The following PHLDB3 variants were observed in gnomAD, a reference collection of about 807,000 sequenced individuals.
PHLDB3 encodes pleckstrin homology like domain family B member 3.
PHLDB3 carries 86 observed loss-of-function variants against 85.7 expected under a neutral mutation model. The ratio of observed to expected loss-of-function variants is 1.00; its 90% CI spans 0.84 to 1.20. The LOEUF (loss-of-function observed/expected upper bound fraction) is 1.20. Among genes scored for constraint, PHLDB3 ranks in the 50% most tolerant of loss-of-function variants. The pLI is 0.00. For synonymous variants in PHLDB3, 376 were observed against 349.8 expected (o/e 1.07, Z -0.83); for missense variants, 995 against 873.0 (o/e 1.14, Z -1.76).
At position 43,497,169 on chromosome 19, in the gene PHLDB3, C is replaced by G. The variant is rs766045542; in HGVS notation, c.774G>C (p.Gln258His). ...GTTCCTGGACCTTGGGGTCTGGCAC[C>G]TGGGGCCCAGGGCTGTCCCGATCCT... ...EEEDRDSPGP[Q>H]VPDPKVQELQ... The change falls in exon 6 of 16, where the codon CAG (glutamine) becomes CAC (histidine). Residue 258 changes from glutamine (Q) to histidine (H), a missense_variant. Transcript: ENST00000292140. 1 of 1,558,762 alleles carries G rather than the reference C, an allele frequency of 6.4e-7. No individual in the cohort carries two copies. The highest frequency in any genetic ancestry group is 2.4e-5 in the East Asian group (1 of 41,020).
chr19:43,502,075 GCT>G, intron 3 of PHLDB3, 24 bp downstream of exon 3: 1 of 1,550,558 alleles, frequency 6.4e-7, no homozygotes. Context: ...TTGGGGCCAG[GCT>G]TCCCAAGGGG....
chr19:43,486,361 C>T (rs1409529342), intron 12 of PHLDB3, 39 bp from the exon 13 acceptor site: 21 of 1,570,216 alleles, frequency 1.3e-5, no homozygotes, highest in Non-Finnish European at 1.7e-5. Flanking sequence ...AGGATCCCAG[C>T]CCATAAGATG....
In PHLDB3 at chr19:43,497,403, G is replaced by C. The variant is rs988704006; in HGVS notation, c.664-124C>G. ...CTGAGGACTTGGATTCCTGGGTCCT[G>C]GGGAGGAGGGGGCTAAGAATCAGAG... On this transcript the variant is annotated intron_variant, in intron 5 of 15. Transcript: ENST00000292140. The C allele has an allele frequency of 3.6e-6, 3 of 828,180 alleles. No homozygotes were observed. In the South Asian group the frequency reaches 6.5e-5, roughly 18 times the overall value. The allele number at this position is 828,180 out of a possible 1,614,324, so 51.3% of individuals were successfully genotyped here.
chr19:43,500,500 A>G (rs1201009176), intron 4 of PHLDB3, among the ~76,000 whole-genome samples: 14 of 152,196 alleles, frequency 9.2e-5, no homozygotes. Flanking sequence ...CACCAGAGAT[A>G]AAACAATGGG....
chr19:43,489,374 T>C (rs1212851662), intron 9 of PHLDB3, among the ~76,000 whole-genome samples: 3 of 150,938 alleles, frequency 2.0e-5, no homozygotes, highest in Non-Finnish European at 4.4e-5. Flanking sequence ...TTAAAGTTTT[T>C]TTTTTTTTTT....
chr19:43,491,819 G>GT (rs1311580187), intron 9 of PHLDB3, among the ~76,000 whole-genome samples: 2 of 151,248 alleles, frequency 1.3e-5, no homozygotes, highest in Non-Finnish European at 2.9e-5. Flanking sequence ...CTAATTTGTT[G>GT]TATTTTTAGT....
Position 43,501,719 on chromosome 19 carries a change from GT to G in PHLDB3, c.534+14del. The stretch of plus-strand genomic sequence containing the variant: ...GAAGGACACTGCTGATGAAGACCCG[GT>G]GAGCCAAACAGACCTGTTCCCGCTG... On this transcript the variant is annotated intron_variant, in intron 4 of 15. Transcript: ENST00000292140. 7 of 1,576,766 alleles carry G rather than the reference GT, an allele frequency of 4.4e-6. No individual in the cohort carries two copies. Among genetic ancestry groups the G allele is most frequent in the Non-Finnish European group, 6.0e-6 (7 of 1,168,420 alleles).
Position 43,475,307 on chromosome 19 carries a change from C to G in PHLDB3, c.*103G>C. Reference sequence around the variant, plus strand: ...CGGAATTCCCGGGAGAGTTCCAAAGCGGTGCGTCCAAGTTTTCCGGCAGTG... The same window carrying G: ...CGGAATTCCCGGGAGAGTTCCAAAGGGGTGCGTCCAAGTTTTCCGGCAGTG... On this transcript the variant is annotated 3_prime_UTR_variant, in exon 16 of 16. Transcript: ENST00000292140. 6.9e-7 allele frequency: 1 copy of G among 1,448,644 alleles called. No individual in the cohort carries two copies. Among genetic ancestry groups the G allele is most frequent in the Admixed American group, 2.2e-5 (1 of 45,036 alleles). The allele number at this position is 1,448,644 out of a possible 1,614,324, so 89.7% of individuals were successfully genotyped here.
At chr19:43,485,278 T>C (rs1971129441) in intron 13 of PHLDB3, among the ~76,000 whole-genome samples, 3 of 151,786 alleles carry the variant, frequency 2.0e-5, no homozygotes, top group Admixed American at 2.0e-4. Flanking sequence ...AGTGGTGTGA[T>C]CTTGGCTCAC....
chr19:43,493,691 G>A (rs1299994333), intron 9 of PHLDB3, among the ~76,000 whole-genome samples: 3 of 151,862 alleles, frequency 2.0e-5, no homozygotes, highest in Non-Finnish European at 4.4e-5. Flanking sequence ...ATAAATACTT[G>A]AGGTGATAGA....
chr19:43,496,818 A>G, intron 6 of PHLDB3: 1 of 403,400 alleles, frequency 2.5e-6, no homozygotes, highest in Non-Finnish European at 4.3e-6. Flanking sequence ...TTACTAAGGA[A>G]ACTTGGAAAA....
chr19:43,479,067 T>G (rs1403060296), intron 14 of PHLDB3, among the ~76,000 whole-genome samples: 3 of 152,032 alleles, frequency 2.0e-5, no homozygotes, highest in Non-Finnish European at 4.4e-5. Flanking sequence ...CTCATGGGTG[T>G]CTTAGGAACA....
chr19:43,479,020 T>C (rs891131973), intron 14 of PHLDB3, among the ~76,000 whole-genome samples: 24 of 151,998 alleles, frequency 1.6e-4, no homozygotes, highest in African/African-American at 4.8e-4. Context: ...CTCCTGGCCA[T>C]TGGGGGGCTG....
intron 13 of PHLDB3, 56 bp from the exon 14 acceptor site, chr19:43,479,649 G>A (rs887393140): frequency 1.5e-6 from 2 of 1,298,492 alleles, no homozygotes; most frequent in Non-Finnish European, 2.2e-6. Context: ...TCTACAGCCT[G>A]GAGCCCCTCG....
chr19:43,476,798 T>A (rs897811584), intron 15 of PHLDB3, among the ~76,000 whole-genome samples: 9 of 152,176 alleles, frequency 5.9e-5, no homozygotes, highest in African/African-American at 2.2e-4. Flanking sequence ...TTCTAAATAT[T>A]GTATCAGTTG....
chr19:43,475,417 G>A lies in PHLDB3; in HGVS notation c.1916C>T (p.Ala639Val). 6.2e-7 allele frequency: 1 copy of A among 1,613,932 alleles called. No homozygotes were observed. The highest frequency in any genetic ancestry group is 1.1e-5 in the South Asian group (1 of 91,084). ...VIVTAADENH[A>V]P The stretch of plus-strand genomic sequence containing the variant: ...CCAAGAGGGCGGGGCCACTCAGGGG[G>A]CGTGGTTTTCGTCAGCGGCGGTCAC... Residue 639 changes from alanine to valine, a missense_variant, in exon 16 of 16, where the codon GCC becomes GTC. Ala to Val is a moderately conservative substitution (Grantham distance 64). Transcript: ENST00000292140.
At chr19:43,490,869 G>T (rs1171293713) in intron 9 of PHLDB3, among the ~76,000 whole-genome samples, 1 of 152,186 alleles carries the variant, frequency 6.6e-6, no homozygotes, top group African/African-American at 2.4e-5. Context: ...CATGACGTAG[G>T]CAAGTCATTT....
chr19:43,483,434 A>G (rs1360280939), intron 13 of PHLDB3, among the ~76,000 whole-genome samples: 2 of 151,852 alleles, frequency 1.3e-5, no homozygotes, highest in Non-Finnish European at 2.9e-5. Context: ...ATGCACCACC[A>G]CACCTGCTAA....
At chr19:43,481,487 G>A (rs552013854) in intron 13 of PHLDB3, among the ~76,000 whole-genome samples, 19 of 152,190 alleles carry the variant, frequency 1.2e-4, no homozygotes, top group African/African-American at 3.4e-4. Flanking sequence ...GCGTGGTGGC[G>A]CATGCCTGTA....
Sources: gnomAD v4.1 joint callset for allele counts (sites outside exome capture counted in the v4.1 genomes callset) on GRCh38, gnomAD v4.1.1 for gene constraint, MANE v1.5 for transcripts, NCBI Gene and HGNC (gene_info 2026-07-23, HGNC 2026-07-21) for gene names.